MGST1: variants seen among roughly 807,000 people sequenced by gnomAD.
MGST1 encodes microsomal glutathione S-transferase 1.
Under a neutral mutation model 8.9 loss-of-function variants are expected in MGST1, and 5 were observed. The ratio of observed to expected loss-of-function variants is 0.56; its 90% CI spans 0.29 to 1.19. The LOEUF (loss-of-function observed/expected upper bound fraction) is 1.19. Ranked by LOEUF, MGST1 falls within the 50% of genes most tolerant of loss-of-function variation. The probability of loss-of-function intolerance (pLI) is 0.08; values close to 1 mark genes in which losing one functional copy is unlikely to be tolerated. For synonymous variants in MGST1, 54 were observed against 67.8 expected, an observed-to-expected ratio of 0.80 and a Z score of 1.00; for missense variants, 182 against 187.4, an observed-to-expected ratio of 0.97 and a Z score of 0.17.
At chr12:16,588,815 C>T (rs942096829) in intron 4 of MGST1, among the ~76,000 whole-genome samples, 1 of 152,054 alleles carries the variant, frequency 6.6e-6, no homozygotes, top group East Asian at 1.9e-4. Flanking sequence ...TCTTAAACCT[C>T]TTCTTCAATC....
intron 4 of MGST1, among the ~76,000 whole-genome samples, chr12:16,505,569 C>T (rs191158242): frequency 2.6e-4 from 40 of 152,286 alleles, no homozygotes; most frequent in African/African-American, 8.2e-4. Flanking sequence ...TATACCAATA[C>T]GGCACCAAGT....
chr12:16,402,139 C>A, intron 1 of MGST1: 1 of 1,520,298 alleles, frequency 6.6e-7, no homozygotes, highest in South Asian at 1.1e-5. Flanking sequence ...TTAGCATTCT[C>A]ATTGCCCTTA....
chr12:16,395,804 T>TATATATATATATATATATATATAC (rs1338860243), intron 1 of MGST1, among the ~76,000 whole-genome samples: 13 of 123,722 alleles, frequency 1.1e-4, no homozygotes, highest in South Asian at 2.5e-4. Context: ...TATATATATA[T>TATATATATATATATATATATATAC]ACACACACAC....
chr12:16,560,603 AGAT>A lies in MGST1; in HGVS notation n.483-28920_483-28918del. 1 of 1,439,230 alleles carries A rather than the reference AGAT, an allele frequency of 6.9e-7. No individual in the cohort carries two copies. The allele number at this position is 1,439,230 out of a possible 1,614,324, so 89.2% of individuals were successfully genotyped here. A position where few individuals can be genotyped will look rare whatever the true frequency, so the allele number is the denominator to read the frequency against. On this transcript the variant is annotated intron_variant and non_coding_transcript_variant, in intron 4 of 4. Coordinates refer to the MGST1 transcript ENST00000538857. This position sits in a 1 kb window ranked among gnomAD's most constrained non-coding sequence, Gnocchi z 5.0. ...CAGAGAAATCTGAGATCGTGAAGAGAGATGATGTTAATATACTCTGTAAAGCTA... is the reference window on the plus strand; with the variant it reads ...CAGAGAAATCTGAGATCGTGAAGAGAGATGTTAATATACTCTGTAAAGCTA...
chr12:16,481,221 C>G (rs1941362378), intron 4 of MGST1, among the ~76,000 whole-genome samples: 1 of 152,170 alleles, frequency 6.6e-6, no homozygotes, highest in Non-Finnish European at 1.5e-5. Flanking sequence ...TTTTCAGTAT[C>G]TACATGGTCC....
chr12:16,415,416 C>T (rs1940779515), intron 1 of MGST1, among the ~76,000 whole-genome samples: 1 of 152,182 alleles, frequency 6.6e-6, no homozygotes, highest in South Asian at 2.1e-4. Flanking sequence ...ACATGTGGGT[C>T]CACTTATGCA....
At chr12:16,444,122 T>C (rs938396873) in intron 4 of MGST1, among the ~76,000 whole-genome samples, 5 of 151,772 alleles carry the variant, frequency 3.3e-5, no homozygotes, top group African/African-American at 1.2e-4. Flanking sequence ...CAATCCTTGT[T>C]TGCTTGGACC....
chr12:16,372,292 T>C (rs1483044611), intron 3 of MGST1, among the ~76,000 whole-genome samples: 1 of 151,814 alleles, frequency 6.6e-6, no homozygotes, highest in Admixed American at 6.6e-5. Flanking sequence ...TGATAAGAGA[T>C]TAATAACAAG....
At chr12:16,391,729 C>G (rs1288154428) in intron 1 of MGST1, among the ~76,000 whole-genome samples, 2 of 152,156 alleles carry the variant, frequency 1.3e-5, no homozygotes, top group Non-Finnish European at 2.9e-5. Flanking sequence ...TTTTGCTGTG[C>G]AGAAGCTCTT....
chr12:16,450,624 C>T (rs1235273494), intron 4 of MGST1, among the ~76,000 whole-genome samples: 2 of 151,914 alleles, frequency 1.3e-5, no homozygotes, highest in Non-Finnish European at 2.9e-5. Context: ...CAAGTTAAAC[C>T]AGTCACACTC....
chr12:16,453,900 A>G (rs1335316548), intron 4 of MGST1, among the ~76,000 whole-genome samples: 1 of 151,996 alleles, frequency 6.6e-6, no homozygotes, highest in East Asian at 1.9e-4. Flanking sequence ...TATATCTGCA[A>G]CAAGCCATAT....
At chr12:16,566,861 G>C (rs1942634682) in intron 4 of MGST1, among the ~76,000 whole-genome samples, 1 of 152,128 alleles carries the variant, frequency 6.6e-6, no homozygotes, top group African/African-American at 2.4e-5. Flanking sequence ...GAAAAGGAAA[G>C]AGAAGAAGAA....
chr12:16,575,544 G>A (rs75321626), intron 4 of MGST1, among the ~76,000 whole-genome samples: 3,734 of 152,224 alleles, frequency 0.025, 150 homozygotes, highest in African/African-American at 0.085. Context: ...CATTTGACAC[G>A]AGTTATTTCA....
Position 16,566,861 on chromosome 12 carries a change from GAGA to G in MGST1, n.483-22659_483-22657del, listed in dbSNP as rs527458975. On this transcript the variant is annotated intron_variant and non_coding_transcript_variant, in intron 4 of 4. Coordinates refer to the MGST1 transcript ENST00000538857. Reference sequence around the variant, plus strand: ...GATACTACACTGAATGAAAAGGAAAGAGAAGAAGAATTAAGTTAAACTTACTAA... The same window carrying G: ...GATACTACACTGAATGAAAAGGAAAGAGAAGAATTAAGTTAAACTTACTAA... 5.3e-5 allele frequency among the ~76,000 whole-genome samples: 8 copies of G among 152,246 alleles called. No homozygotes were observed. In the East Asian group the frequency reaches 9.6e-4, roughly 18 times the overall value.
chr12:16,359,999 A>G (rs1316972552), intron 3 of MGST1, among the ~76,000 whole-genome samples: 1 of 152,202 alleles, frequency 6.6e-6, no homozygotes, highest in Non-Finnish European at 1.5e-5. Flanking sequence ...TTGCAAATGA[A>G]TGTTAGAAAG....
chr12:16,393,535 C>T (rs1231774718), intron 1 of MGST1, among the ~76,000 whole-genome samples: 6 of 152,184 alleles, frequency 3.9e-5, no homozygotes. Flanking sequence ...AGATTTGGAA[C>T]ATTGTTTCAT....
At chr12:16,466,460 T>C (rs1941255880) in intron 4 of MGST1, among the ~76,000 whole-genome samples, 1 of 152,232 alleles carries the variant, frequency 6.6e-6, no homozygotes, top group African/African-American at 2.4e-5. Context: ...AATGTGGCCA[T>C]GACAAAGATG....
At position 16,586,511 on chromosome 12, in the gene MGST1, G is replaced by GA. The variant is rs1281002570; in HGVS notation, n.483-3010dup. On this transcript the variant is annotated intron_variant and non_coding_transcript_variant, in intron 4 of 4. Transcript: ENST00000538857. The surrounding 1 kb of genome is among the most constrained non-coding windows in gnomAD (Gnocchi z 4.3). ...CTAAGCATTATCTTCTACGTCCACA[G>GA]AAAAAAATCTGTTGTATAATATTGT... is the stretch of plus-strand genomic sequence containing the variant. Among the ~76,000 whole-genome samples the GA allele has an allele frequency of 5.3e-5, 8 of 152,056 alleles. No homozygotes were observed. Among genetic ancestry groups the GA allele is most frequent in the African/African-American group, 1.7e-4 (7 of 41,410 alleles).
At chr12:16,571,103 C>G (rs556407744) in intron 4 of MGST1, among the ~76,000 whole-genome samples, 54 of 151,946 alleles carry the variant, frequency 3.6e-4, no homozygotes, top group African/African-American at 1.2e-3. Flanking sequence ...TTTATCTTAC[C>G]TCGTTGAAGA....
Sources: allele counts gnomAD v4.1 joint callset (sites outside exome capture counted in the v4.1 genomes callset), GRCh38; gene constraint gnomAD v4.1.1; non-coding constraint Gnocchi (gnomAD v3.1); transcripts MANE v1.5; gene names NCBI Gene and HGNC (gene_info 2026-07-23, HGNC 2026-07-21).